The following GON4L variants were observed in gnomAD, a reference collection of about 807,000 sequenced individuals.
GON4L encodes GON-4-like protein.
In GON4L, 87 loss-of-function variants were observed where a neutral mutation model predicts 211.8. The ratio of observed to expected loss-of-function variants is 0.41; its 90% CI spans 0.35 to 0.49. The LOEUF is 0.49. GON4L is among the 20% of genes least tolerant of loss of function. GON4L has a pLI of 0.15. For missense variants in GON4L, 2,155 were observed against 2,659.5 expected (o/e 0.81, Z 4.17); for synonymous variants, 875 against 962.6 (o/e 0.91, Z 1.68).
chr1:155,810,982 G>A (rs189311805), intron 10 of GON4L, among the ~76,000 whole-genome samples: 12 of 152,002 alleles, frequency 7.9e-5, no homozygotes, highest in Admixed American at 2.0e-4. Flanking sequence ...TCACACCACC[G>A]AACTCCAGCC....
chr1:155,832,732 T>C (rs138207186), intron 2 of GON4L: 1 of 152,340 alleles, frequency 6.6e-6, no homozygotes, highest in African/African-American at 2.4e-5. Flanking sequence ...TATCTTTCTA[T>C]GTATTTTCAT....
Position 155,766,187 on chromosome 1 carries a change from G to A in GON4L, c.3286C>T (p.Pro1096Ser), listed in dbSNP as rs574583931. ...SESQTLLSSA[P>S]VPKVMLPSLA... is the part of the protein sequence containing the mutation. ...GAGGGCAGCATTACCTTGGGCACAGGGGCAGAAGAGAGCAAAGTCTGGGAC... is the reference window on the plus strand; with the variant it reads ...GAGGGCAGCATTACCTTGGGCACAGAGGCAGAAGAGAGCAAAGTCTGGGAC... The change falls in exon 21 of 32, where the codon CCT becomes TCT. Residue 1096 changes from proline to serine, a missense_variant. Physicochemically the swap from Pro to Ser is moderately conservative, Grantham distance 74. Around this residue, in one of 6 missense-constraint regions of GON4L, gnomAD observed 615 missense variants for 625.7 expected, o/e 0.98. Coordinates refer to ENST00000368331, the MANE Select transcript of GON4L (RefSeq NM_001282860.2). 18 of 1,614,106 alleles carry A rather than the reference G, an allele frequency of 1.1e-5. No homozygotes were observed. In the Admixed American group the frequency reaches 2.7e-4, roughly 24 times the overall value.
At chr1:155,772,134 C>T (rs544068641) in intron 18 of GON4L, among the ~76,000 whole-genome samples, 2 of 150,836 alleles carry the variant, frequency 1.3e-5, no homozygotes, top group African/African-American at 4.9e-5. Flanking sequence ...GCCTGGGTGA[C>T]AAAAGTGAAA....
upstream of GON4L, chr1:155,859,283 T>C (rs968791135): frequency 2.6e-5 from 4 of 155,172 alleles, no homozygotes; most frequent in African/African-American, 9.6e-5. Context: ...TTTCATATAA[T>C]AATCTACCTA....
At chr1:155,766,779 C>T (rs988473366) in intron 20 of GON4L, 70 bp from the exon 21 acceptor site, 1 of 1,603,842 alleles carries the variant, frequency 6.2e-7, no homozygotes, top group Non-Finnish European at 8.5e-7. Flanking sequence ...GGCACAGTGG[C>T]TCACGCCTGT....
chr1:155,798,576 ATTTT>A (rs34273258), intron 11 of GON4L, among the ~76,000 whole-genome samples: 2 of 89,540 alleles, frequency 2.2e-5, no homozygotes, highest in Non-Finnish European at 4.0e-5. Flanking sequence ...CGTCAGGCTA[ATTTT>A]TTTTTTTTTT....
chr1:155,851,298 G>A (rs1671768245), intron 2 of GON4L, among the ~76,000 whole-genome samples: 1 of 151,610 alleles, frequency 6.6e-6, no homozygotes, highest in African/African-American at 2.4e-5. Context: ...AGCTTGCAGT[G>A]AGCCAAGACT....
chr1:155,824,127 T>A (rs187052752), intron 3 of GON4L, among the ~76,000 whole-genome samples: 1 of 151,964 alleles, frequency 6.6e-6, no homozygotes, highest in Non-Finnish European at 1.5e-5. Flanking sequence ...CAAATGCTCA[T>A]CAAGAATTGA....
intron 18 of GON4L, among the ~76,000 whole-genome samples, chr1:155,771,869 T>C (rs1663224393): frequency 6.6e-6 from 1 of 152,130 alleles, no homozygotes; most frequent in African/African-American, 2.4e-5. Flanking sequence ...TTAAGTATTA[T>C]GAATAAGAAT....
intron 19 of GON4L, among the ~76,000 whole-genome samples, chr1:155,770,147 G>C (rs965421242): frequency 6.6e-6 from 1 of 151,390 alleles, no homozygotes; most frequent in Non-Finnish European, 1.5e-5. Flanking sequence ...AGTAGCTGGA[G>C]CTTACAGTGA....
At chr1:155,813,606 C>T in intron 10 of GON4L, 28 bp downstream of exon 10, 1 of 1,551,462 alleles carries the variant, frequency 6.4e-7, no homozygotes, top group Non-Finnish European at 8.9e-7. Context: ...ACTTGACTTT[C>T]TCAGTTAAGT....
chr1:155,813,124 T>C (rs1027447231), intron 10 of GON4L, among the ~76,000 whole-genome samples: 3 of 152,134 alleles, frequency 2.0e-5, no homozygotes, highest in Non-Finnish European at 2.9e-5. Context: ...ACATAGTTCA[T>C]TTCTTCCTTA....
chr1:155,840,132 A>C (rs1026119661), intron 2 of GON4L, among the ~76,000 whole-genome samples: 1 of 152,210 alleles, frequency 6.6e-6, no homozygotes, highest in Non-Finnish European at 1.5e-5. Flanking sequence ...ACTTGATTCT[A>C]TACTCTTGGT....
Position 155,757,091 on chromosome 1 carries a change from G to A in GON4L, c.5398-14C>T. On this transcript the variant is annotated splice_polypyrimidine_tract_variant and intron_variant, in intron 26 of 31. Coordinates refer to ENST00000368331, the MANE Select transcript of GON4L (RefSeq NM_001282860.2). ...AAAGCCATCAAACTGAGAAGGAGTT[G>A]GTGCTGCTGAGCACAGACACCAGGC... The A allele has an allele frequency of 1.2e-6, 2 of 1,613,940 alleles. No individual in the cohort carries two copies. The highest frequency in any genetic ancestry group is 1.7e-6 in the Non-Finnish European group (2 of 1,179,876).
In GON4L at chr1:155,784,358, C is replaced by CTTT. The variant is rs869034483; in HGVS notation, c.1789-272_1789-270dup. 3.8e-3 allele frequency: 395 copies of CTTT among 104,090 alleles called. 59 individuals carry two copies. The highest frequency in any genetic ancestry group is 0.01 in the East Asian group (34 of 3,256). 6.4% of individuals were successfully genotyped at this position (104,090 alleles called of 1,614,324 possible). On this transcript the variant is annotated intron_variant, in intron 13 of 31. Transcript: ENST00000368331. ...ACTCAAAATTATCAATCTCTCTCTC[C>CTTT]TTTTTTTTTTTTTTTTTTTTTTTTT... is the stretch of plus-strand genomic sequence containing the variant.
chr1:155,791,016 C>G (rs1171609006), intron 12 of GON4L, among the ~76,000 whole-genome samples: 2 of 151,726 alleles, frequency 1.3e-5, no homozygotes, highest in Non-Finnish European at 2.9e-5. Flanking sequence ...AATCCCAGCA[C>G]TTTGGGAGGC....
chr1:155,751,683 C>G (rs596031), intron 31 of GON4L, 84 bp downstream of exon 31: 104 of 917,272 alleles, frequency 1.1e-4, no homozygotes, highest in Admixed American at 4.2e-4. Flanking sequence ...TCTTGGATAT[C>G]AAAACTCCTT....
intron 3 of GON4L, among the ~76,000 whole-genome samples, chr1:155,824,353 G>T (rs529503298): frequency 7.0e-6 from 1 of 143,192 alleles, no homozygotes; most frequent in Admixed American, 7.4e-5. Flanking sequence ...AGAATTGCTT[G>T]AACCCAGGAG....
At chr1:155,803,232 A>C (rs900775584) in intron 11 of GON4L, among the ~76,000 whole-genome samples, 4 of 150,618 alleles carry the variant, frequency 2.7e-5, no homozygotes, top group African/African-American at 4.9e-5. Context: ...CCATTTACTC[A>C]GTCTATTTCT....
Sources: allele counts gnomAD v4.1 joint callset (sites outside exome capture counted in the v4.1 genomes callset), GRCh38; gene constraint gnomAD v4.1.1; regional missense constraint gnomAD v4.1.1; transcripts MANE v1.5; gene names NCBI Gene and HGNC (gene_info 2026-07-23, HGNC 2026-07-21).